The following IFT43 variants were observed in gnomAD, a reference collection of about 807,000 sequenced individuals.
IFT43 encodes the protein intraflagellar transport protein 43 homolog.
IFT43 carries 33 observed loss-of-function variants against 32.3 expected under a neutral mutation model. The ratio of observed to expected loss-of-function variants is 1.02; its 90% CI spans 0.77 to 1.37. The LOEUF (loss-of-function observed/expected upper bound fraction) is 1.37, where lower values mean the gene tolerates loss of function less well. Among genes scored for constraint, IFT43 ranks in the 40% most tolerant of loss-of-function variants. The pLI is 0.00. For synonymous variants in IFT43, 93 were observed against 98.2 expected (o/e 0.95, Z 0.31); for missense variants, 274 against 265.9 (o/e 1.03, Z -0.21).
At chr14:76,025,978 A>G (rs1396615369) in intron 3 of IFT43, among the ~76,000 whole-genome samples, 1 of 152,254 alleles carries the variant, frequency 6.6e-6, no homozygotes, top group Non-Finnish European at 1.5e-5. Context: ...GCACTTCTGC[A>G]CAGCAAAGGA....
chr14:75,986,288 C>T, intron 1 of IFT43: 1 of 1,259,892 alleles, frequency 7.9e-7, no homozygotes, highest in Non-Finnish European at 1.0e-6. Flanking sequence ...GGGAGGCAGG[C>T]AGGGACGGCC....
chr14:75,999,644 A>G (rs1268134265), intron 2 of IFT43, among the ~76,000 whole-genome samples: 2 of 152,178 alleles, frequency 1.3e-5, no homozygotes. Flanking sequence ...CCTAGGAGTT[A>G]GGGAAGGCTT....
intron 2 of IFT43, among the ~76,000 whole-genome samples, chr14:75,999,249 A>AAATTTATTT (rs1362508342): frequency 1.4e-4 from 2 of 13,794 alleles, no homozygotes; most frequent in South Asian, 1.8e-3. Flanking sequence ...ATATATATAT[A>AAATTTATTT]TATATATATA....
At chr14:75,989,713 C>T (rs1464715737) in intron 2 of IFT43, among the ~76,000 whole-genome samples, 1 of 152,132 alleles carries the variant, frequency 6.6e-6, no homozygotes, top group African/African-American at 2.4e-5. Context: ...TGTCTTTTTA[C>T]ATGTCTGTCT....
At chr14:76,066,797 G>A (rs1047652146) in intron 5 of IFT43, among the ~76,000 whole-genome samples, 7 of 152,220 alleles carry the variant, frequency 4.6e-5, no homozygotes, top group African/African-American at 1.7e-4. Context: ...AGGGATATGT[G>A]ATTGGTGACC....
At chr14:76,023,592 T>C (rs1042392668) in intron 3 of IFT43, among the ~76,000 whole-genome samples, 2 of 152,242 alleles carry the variant, frequency 1.3e-5, no homozygotes, top group African/African-American at 2.4e-5. Flanking sequence ...TTGGCTATTA[T>C]CATGATGATG....
chr14:75,993,210 G>T (rs1441278836), intron 2 of IFT43, among the ~76,000 whole-genome samples: 1 of 152,074 alleles, frequency 6.6e-6, no homozygotes, highest in Non-Finnish European at 1.5e-5. Flanking sequence ...GCTGAATTTG[G>T]CCTATAGTCA....
intron 1 of IFT43, chr14:75,986,076 G>A (rs2035518574): frequency 1.3e-6 from 2 of 1,483,696 alleles, no homozygotes; most frequent in African/African-American, 1.4e-5. Context: ...CCCTGTCCCC[G>A]CCGGCGTCTA....
At chr14:76,021,512 A>T (rs143019880) in intron 2 of IFT43, among the ~76,000 whole-genome samples, 1 of 152,370 alleles carries the variant, frequency 6.6e-6, no homozygotes, top group African/African-American at 2.4e-5. Context: ...GCATATACTT[A>T]CTGTTTGGTA....
intron 2 of IFT43, among the ~76,000 whole-genome samples, chr14:76,000,818 T>G (rs1403018935): frequency 1.3e-5 from 2 of 152,184 alleles, no homozygotes; most frequent in Non-Finnish European, 2.9e-5. Context: ...ACTGAATGGA[T>G]AATGACATTT....
At chr14:76,028,275 T>C (rs2036442715) in intron 3 of IFT43, among the ~76,000 whole-genome samples, 1 of 152,202 alleles carries the variant, frequency 6.6e-6, no homozygotes, top group African/African-American at 2.4e-5. Context: ...GTCTTTCACC[T>C]GGTTTTAGCG....
intron 2 of IFT43, among the ~76,000 whole-genome samples, chr14:75,999,284 T>A (rs1000881775): frequency 0.035 from 1,723 of 49,332 alleles, 52 homozygotes; most frequent in Middle Eastern, 0.058. Context: ...TATATATATT[T>A]TTTTTTTTTT....
At chr14:76,075,387 G>T (rs919277810) in intron 5 of IFT43, among the ~76,000 whole-genome samples, 1 of 152,142 alleles carries the variant, frequency 6.6e-6, no homozygotes, top group African/African-American at 2.4e-5. Context: ...GCAGGGGACC[G>T]CTCGGGAGCT....
chr14:76,057,804 A>G (rs1281458629), intron 3 of IFT43, among the ~76,000 whole-genome samples: 1 of 152,222 alleles, frequency 6.6e-6, no homozygotes, highest in Non-Finnish European at 1.5e-5. Context: ...AAACCCTATG[A>G]TGACAGAATA....
At position 75,988,972 on chromosome 14, in the gene IFT43, G is replaced by A. The variant is rs756118341; in HGVS notation, c.142G>A (p.Gly48Arg). 3.1e-6 allele frequency: 5 copies of A among 1,613,884 alleles called. No homozygotes were observed. In the South Asian group the frequency reaches 5.5e-5, roughly 18 times the overall value. The change falls in exon 2 of 9, where the codon GGA becomes AGA. Residue 48 changes from glycine (G) to arginine (R), a missense_variant. Physicochemically the swap from Gly to Arg is moderately radical, Grantham distance 125 (BLOSUM62 -2). Coordinates refer to ENST00000314067, the MANE Select transcript of IFT43 (RefSeq NM_001102564.3). ...NGKNSSLTLT[G>R]ETSSAKLPRC... The stretch of plus-strand genomic sequence containing the variant: ...CAAGAATTCCTCTTTGACTCTGACT[G>A]GAGAGGTGGGTGCTAAAAAAAAAGA...
intron 3 of IFT43, among the ~76,000 whole-genome samples, chr14:76,030,168 A>T (rs756472560): frequency 6.6e-6 from 1 of 151,902 alleles, no homozygotes; most frequent in African/African-American, 2.4e-5. Flanking sequence ...GCCATGAACT[A>T]TTGCACCCAG....
At chr14:76,013,821 G>A (rs527237543) in intron 2 of IFT43, 59 of 268,698 alleles carry the variant, frequency 2.2e-4, no homozygotes, top group African/African-American at 1.2e-3. Flanking sequence ...TATGATAAGG[G>A]GGCCTTCAGA....
At chr14:76,043,611 G>A (rs2036748885) in intron 3 of IFT43, among the ~76,000 whole-genome samples, 1 of 152,162 alleles carries the variant, frequency 6.6e-6, no homozygotes, top group African/African-American at 2.4e-5. Flanking sequence ...ACTTGCAGAT[G>A]TAAAAAGAAA....
Position 76,083,232 on chromosome 14 carries a change from G to A in IFT43, c.450G>A (p.Gly150=). ...TTTTTTGTTTGCATTCACAGGATGG[G>A]GAGATCGACCTGAAACTCCTCACCA... ...MKYSAIQTLD[G]EIDLKLLTKV... is the part of the protein sequence containing the mutation. Residue 150 remains glycine, a synonymous_variant, in exon 8 of 9, where the codon GGG becomes GGA. Coordinates refer to ENST00000314067, the MANE Select transcript of IFT43 (RefSeq NM_001102564.3). The A allele has an allele frequency of 6.2e-7, 1 of 1,614,138 alleles. No individual in the cohort carries two copies. Among genetic ancestry groups the A allele is most frequent in the South Asian group, 1.1e-5 (1 of 91,080 alleles).
Sources: allele counts gnomAD v4.1 joint callset (sites outside exome capture counted in the v4.1 genomes callset), GRCh38; gene constraint gnomAD v4.1.1; transcripts MANE v1.5; gene names NCBI Gene and HGNC (gene_info 2026-07-23, HGNC 2026-07-21).